COL21A1: variants seen among roughly 807,000 people sequenced by gnomAD.
COL21A1 encodes collagen type XXI alpha 1 chain.
A neutral mutation model predicts 137.9 loss-of-function variants in COL21A1; 149 were observed. That is an observed-to-expected ratio of 1.08 (90% confidence interval 0.95 to 1.24). The LOEUF (loss-of-function observed/expected upper bound fraction) is 1.24, where lower values mean the gene tolerates loss of function less well. Among genes scored for constraint, COL21A1 ranks in the 50% most tolerant of loss-of-function variants. The pLI is 0.00. For missense variants in COL21A1, 1,167 were observed against 1,158.4 expected (o/e 1.01, Z -0.11); for synonymous variants, 456 against 391.5 (o/e 1.16, Z -1.95).
chr6:56,285,200 T>G (rs1763877073), intron 1 of COL21A1, among the ~76,000 whole-genome samples: 1 of 152,222 alleles, frequency 6.6e-6, no homozygotes, highest in African/African-American at 2.4e-5. Context: ...TCCTTCTTCT[T>G]TCCTTCCACC....
At chr6:56,343,442 A>T (rs1033819295) in intron 1 of COL21A1, among the ~76,000 whole-genome samples, 3 of 152,234 alleles carry the variant, frequency 2.0e-5, no homozygotes, top group African/African-American at 4.8e-5. Context: ...TGCTTCTCAC[A>T]TACGGAAGCA....
intron 1 of COL21A1, among the ~76,000 whole-genome samples, chr6:56,336,882 G>A (rs893850945): frequency 6.6e-6 from 1 of 152,162 alleles, no homozygotes; most frequent in East Asian, 1.9e-4. Flanking sequence ...AAAACAATGG[G>A]TGGATCATTT....
At chr6:56,228,916 A>T (rs576944415) in intron 1 of COL21A1, among the ~76,000 whole-genome samples, 7 of 152,158 alleles carry the variant, frequency 4.6e-5, no homozygotes, top group African/African-American at 1.7e-4. Context: ...TGACAATTTT[A>T]AAAATATCAA....
chr6:56,261,432 G>A (rs374010292), intron 1 of COL21A1, among the ~76,000 whole-genome samples: 5 of 152,242 alleles, frequency 3.3e-5, no homozygotes, highest in East Asian at 3.9e-4. Context: ...GGTCTTTGGG[G>A]GGATATTAGG....
intron 1 of COL21A1, among the ~76,000 whole-genome samples, chr6:56,367,466 A>G (rs1766128104): frequency 6.6e-6 from 1 of 152,198 alleles, no homozygotes; most frequent in South Asian, 2.1e-4. Context: ...CTCTCAAGAG[A>G]AACAAGAGAA....
chr6:56,330,585 C>T (rs1765196922), intron 1 of COL21A1, among the ~76,000 whole-genome samples: 1 of 152,002 alleles, frequency 6.6e-6, no homozygotes, highest in South Asian at 2.1e-4. Context: ...GAAGTCTGGG[C>T]TTTTAATGTA....
At chr6:56,100,514 A>C (rs1433778986) in intron 17 of COL21A1, among the ~76,000 whole-genome samples, 1 of 152,172 alleles carries the variant, frequency 6.6e-6, no homozygotes, top group African/African-American at 2.4e-5. Context: ...ATACTGCTGA[A>C]ATGTAGCAGT....
intron 22 of COL21A1, among the ~76,000 whole-genome samples, chr6:56,067,842 T>C (rs990192342): frequency 6.6e-6 from 1 of 151,680 alleles, no homozygotes; most frequent in African/African-American, 2.4e-5. Flanking sequence ...GATTATCAGC[T>C]AGAAGGGAAA....
At chr6:56,294,249 G>C (rs73745444) in intron 1 of COL21A1, among the ~76,000 whole-genome samples, 1 of 152,024 alleles carries the variant, frequency 6.6e-6, no homozygotes, top group Admixed American at 6.6e-5. Flanking sequence ...CATTGTGTGA[G>C]GGCTTAACTT....
At chr6:56,061,319 C>T in intron 25 of COL21A1, 1 of 499,928 alleles carries the variant, frequency 2.0e-6, no homozygotes, top group Non-Finnish European at 3.5e-6. Context: ...AAACAATGGG[C>T]ATAACACAGT....
At chr6:56,217,927 G>C (rs1440606756) in intron 1 of COL21A1, among the ~76,000 whole-genome samples, 1 of 152,098 alleles carries the variant, frequency 6.6e-6, no homozygotes, top group Non-Finnish European at 1.5e-5. Context: ...GCTGGAGGTT[G>C]CATATGTAAA....
chr6:56,118,074 T>C (rs1772097827), intron 16 of COL21A1, among the ~76,000 whole-genome samples: 1 of 150,582 alleles, frequency 6.6e-6, no homozygotes, highest in African/African-American at 2.4e-5. Context: ...AGAAAAGAAA[T>C]AATAAAGATC....
chr6:56,141,982 C>A lies in COL21A1; in HGVS notation c.1436G>T (p.Gly479Val), dbSNP rs763996951. 1.2e-5 allele frequency: 18 copies of A among 1,519,250 alleles called. No homozygotes were observed. The highest frequency in any genetic ancestry group is 4.4e-4 in the Middle Eastern group (2 of 4,544). The allele number at this position is 1,519,250 out of a possible 1,614,324, so 94.1% of individuals were successfully genotyped here. Residue 479 changes from glycine to valine, a missense_variant and splice_region_variant, in exon 11 of 30, where the codon GGA becomes GTA. Physicochemically the swap from Gly to Val is moderately radical, Grantham distance 109. Transcript: ENST00000244728. The part of the protein sequence containing the change: ...PGQPGQDGKP[G>V]YQGIAGTPGV... ...TGGTGTCCCTGCAATTCCCTGATATCCCTAAAGAAAAATTTAAAAAGAAAA... is the reference window on the plus strand; with the variant it reads ...TGGTGTCCCTGCAATTCCCTGATATACCTAAAGAAAAATTTAAAAAGAAAA...
intron 1 of COL21A1, among the ~76,000 whole-genome samples, chr6:56,342,130 T>C (rs2152345370): frequency 6.6e-6 from 1 of 152,254 alleles, no homozygotes; most frequent in Non-Finnish European, 1.5e-5. Context: ...TGCTTATACA[T>C]TGTAATTTGT....
At chr6:56,170,203 T>C (rs963697660) in intron 5 of COL21A1, among the ~76,000 whole-genome samples, 12 of 151,914 alleles carry the variant, frequency 7.9e-5, no homozygotes, top group Middle Eastern at 3.2e-3. Flanking sequence ...AACAGATATG[T>C]CTTCATGTAA....
At chr6:56,377,025 T>A (rs1361595921) in intron 1 of COL21A1, among the ~76,000 whole-genome samples, 1 of 149,336 alleles carries the variant, frequency 6.7e-6, no homozygotes, top group Non-Finnish European at 1.5e-5. Context: ...TCTCTCAGGC[T>A]GGAGTGCAAT....
chr6:56,106,911 T>C (rs1028501929), intron 16 of COL21A1, among the ~76,000 whole-genome samples: 1 of 151,882 alleles, frequency 6.6e-6, no homozygotes, highest in African/African-American at 2.4e-5. Flanking sequence ...CTCAGCCTCC[T>C]CAGTAGCTGG....
At chr6:56,207,757 C>G (rs887941745) in intron 1 of COL21A1, among the ~76,000 whole-genome samples, 1 of 152,104 alleles carries the variant, frequency 6.6e-6, no homozygotes, top group Non-Finnish European at 1.5e-5. Context: ...GTAAATATCC[C>G]TGATGAACAT....
chr6:56,341,135 C>G (rs1311002482), intron 1 of COL21A1, among the ~76,000 whole-genome samples: 2 of 151,988 alleles, frequency 1.3e-5, no homozygotes, highest in African/African-American at 4.8e-5. Context: ...TATTAGACTT[C>G]CATGCTCCAG....
Sources: allele counts gnomAD v4.1 joint callset (sites outside exome capture counted in the v4.1 genomes callset), GRCh38; gene constraint gnomAD v4.1.1; transcripts MANE v1.5; gene names NCBI Gene and HGNC (gene_info 2026-07-23, HGNC 2026-07-21).